Variants in RSPH1 observed in about 807,000 individuals in gnomAD.
RSPH1 encodes the protein radial spoke head 1 homolog.
RSPH1 carries 32 observed loss-of-function variants against 44.2 expected under a neutral mutation model. That is an observed-to-expected ratio of 0.72 (90% confidence interval 0.55 to 0.97). The LOEUF (loss-of-function observed/expected upper bound fraction) is 0.97, where lower values mean the gene tolerates loss of function less well. Ranked by LOEUF, RSPH1 falls within the 50% of genes least tolerant of loss-of-function variation. The pLI is 0.00. For missense variants in RSPH1, 391 were observed against 398.7 expected (o/e 0.98, Z 0.16); for synonymous variants, 134 against 147.3 (o/e 0.91, Z 0.65).
At chr21:42,478,647 CA>C (rs2054095679) in intron 6 of RSPH1, among the ~76,000 whole-genome samples, 1 of 152,140 alleles carries the variant, frequency 6.6e-6, no homozygotes. Context: ...GACAGTTCTT[CA>C]AAAAGCGAAA....
Position 42,477,396 on chromosome 21 carries a change from T to C in RSPH1, c.622A>G (p.Lys208Glu). The change falls in exon 7 of 9, where the codon AAA (lysine) becomes GAA (glutamate). Residue 208 changes from lysine to glutamate, a missense_variant. By Grantham distance (56) the Lys-to-Glu change is moderately conservative. Coordinates refer to ENST00000291536, the MANE Select transcript of RSPH1 (RefSeq NM_080860.4). ...EEEELVTVVP[K>E]WKATQITELA... Reference sequence around the variant, plus strand: ...TCAGTGATTTGGGTAGCTTTCCATTTTGGAACAACAGTTACTAATTCTTCC... The same window carrying C: ...TCAGTGATTTGGGTAGCTTTCCATTCTGGAACAACAGTTACTAATTCTTCC... The C allele has an allele frequency of 6.2e-7, 1 of 1,614,198 alleles. No homozygotes were observed. The highest frequency in any genetic ancestry group is 8.5e-7 in the Non-Finnish European group (1 of 1,180,006).
chr21:42,480,417 G>A (rs376097078), intron 6 of RSPH1, among the ~76,000 whole-genome samples: 2 of 152,186 alleles, frequency 1.3e-5, no homozygotes, highest in Admixed American at 1.3e-4. Flanking sequence ...TGAGGCAGTG[G>A]ATCATCTGAG....
chr21:42,495,566 T>C (rs1356521422), intron 1 of RSPH1, among the ~76,000 whole-genome samples: 1 of 152,134 alleles, frequency 6.6e-6, no homozygotes, highest in Non-Finnish European at 1.5e-5. Context: ...ACTCAGGAAA[T>C]AACTCCAAAG....
At chr21:42,475,567 C>CAA (rs549479473) in intron 8 of RSPH1, among the ~76,000 whole-genome samples, 25 of 112,140 alleles carry the variant, frequency 2.2e-4, no homozygotes, top group African/African-American at 7.3e-4. Flanking sequence ...GACTCCATCT[C>CAA]AAAAAAAAAA....
chr21:42,480,415 TG>T (rs1420134493), intron 6 of RSPH1, among the ~76,000 whole-genome samples: 4 of 152,090 alleles, frequency 2.6e-5, no homozygotes, highest in Admixed American at 2.6e-4. Context: ...GCTGAGGCAG[TG>T]GATCATCTGA....
intron 1 of RSPH1, 104 bp downstream of exon 1, chr21:42,496,029 G>C: frequency 1.5e-6 from 2 of 1,324,580 alleles, no homozygotes; most frequent in Non-Finnish European, 1.1e-6. Flanking sequence ...GGGAGCTGTG[G>C]CTCAGACCTC....
Position 42,475,884 on chromosome 21 carries a change from C to A in RSPH1, c.877+14G>T, listed in dbSNP as rs1057501981. On this transcript the variant is annotated intron_variant, in intron 8 of 8. Coordinates refer to ENST00000291536, the MANE Select transcript of RSPH1 (RefSeq NM_080860.4). ...TGCGGGCCCTCGCCCCACTTCCCTGCGCAGGGACCTCACCCTCATCCATGT... is the reference window on the plus strand; with the variant it reads ...TGCGGGCCCTCGCCCCACTTCCCTGAGCAGGGACCTCACCCTCATCCATGT... 1.2e-6 allele frequency: 2 copies of A among 1,609,062 alleles called. No homozygotes were observed. The highest frequency in any genetic ancestry group is 8.5e-7 in the Non-Finnish European group (1 of 1,179,006).
Position 42,476,775 on chromosome 21 carries a change from C to T in RSPH1, c.727+516G>A, listed in dbSNP as rs536500611. ...GTGGAGGCCACACCTCCGCCTCTGT[C>T]CAATCAACTCTGTTTCTTTCCTCTC... is the stretch of plus-strand genomic sequence containing the variant. On this transcript the variant is annotated intron_variant, in intron 7 of 8. Transcript: ENST00000291536. 2.0e-5 allele frequency among the ~76,000 whole-genome samples: 3 copies of T among 152,244 alleles called. No individual in the cohort carries two copies. The South Asian group carries it at 6.2e-4, about 32-fold the overall frequency.
chr21:42,484,735 T>G (rs2054161520), intron 5 of RSPH1: 1 of 152,226 alleles, frequency 6.6e-6, no homozygotes, highest in African/African-American at 2.4e-5. Context: ...AGATTCATTT[T>G]CATCAAATTC....
At chr21:42,478,728 G>T (rs557984311) in intron 6 of RSPH1, among the ~76,000 whole-genome samples, 4 of 152,144 alleles carry the variant, frequency 2.6e-5, no homozygotes, top group African/African-American at 9.7e-5. Flanking sequence ...ACAGAGATTC[G>T]ACCAGATGCT....
At chr21:42,479,756 C>CAG (rs1278878875) in intron 6 of RSPH1, among the ~76,000 whole-genome samples, 4 of 151,942 alleles carry the variant, frequency 2.6e-5, no homozygotes, top group East Asian at 1.9e-4. Context: ...CACACACACA[C>CAG]ACACATAAAT....
intron 6 of RSPH1, among the ~76,000 whole-genome samples, chr21:42,478,437 T>TGCTA (rs1432856015): frequency 1.3e-5 from 2 of 152,208 alleles, no homozygotes; most frequent in Non-Finnish European, 2.9e-5. Context: ...AAAGACAGAT[T>TGCTA]GCTAGCCCCA....
intron 4 of RSPH1, 114 bp downstream of exon 4, chr21:42,486,257 T>C (rs1311265045): frequency 1.1e-5 from 9 of 823,182 alleles, no homozygotes; most frequent in South Asian, 7.6e-5. Context: ...CCTGGCAGAG[T>C]TGGTAACTGG....
At chr21:42,483,771 A>G (rs766638415) in intron 5 of RSPH1, among the ~76,000 whole-genome samples, 1 of 151,704 alleles carries the variant, frequency 6.6e-6, no homozygotes, top group Non-Finnish European at 1.5e-5. Context: ...TTTTTTTTCT[A>G]TATTTCCTAG....
chr21:42,487,766 G>C lies in RSPH1; in HGVS notation c.275-1305C>G, dbSNP rs144714325. On this transcript the variant is annotated intron_variant, in intron 3 of 8. Transcript: ENST00000291536. ...CATGAAGATAAAGAATACCCAATAG[G>C]CTAAGAAAATGCTAATTATTCAAGT... is the stretch of plus-strand genomic sequence containing the variant. Among the ~76,000 whole-genome samples, 146 of 152,126 alleles carry C rather than the reference G, an allele frequency of 9.6e-4. No homozygotes were observed. The East Asian group carries it at 0.018, about 18-fold the overall frequency.
chr21:42,493,097 A>T lies in RSPH1; in HGVS notation c.55-18T>A, dbSNP rs758033477. On this transcript the variant is annotated intron_variant, in intron 1 of 8. Transcript: ENST00000291536. Reference sequence around the variant, plus strand: ...TCATATTCCTGGGTAATGAAAATTGACACAATTACAGCTACCATTCATTAA... The same window carrying T: ...TCATATTCCTGGGTAATGAAAATTGTCACAATTACAGCTACCATTCATTAA... The T allele has an allele frequency of 6.3e-7, 1 of 1,594,350 alleles. No homozygotes were observed. The highest frequency in any genetic ancestry group is 2.2e-5 in the East Asian group (1 of 44,776).
intron 6 of RSPH1, among the ~76,000 whole-genome samples, chr21:42,480,681 A>G (rs1025587448): frequency 1.9e-4 from 28 of 148,960 alleles, no homozygotes; most frequent in Admixed American, 5.3e-4. Context: ...TCTGGAGAGC[A>G]TTGAAGAGCA....
Position 42,485,545 on chromosome 21 carries a change from C to T in RSPH1, c.501+124G>A, listed in dbSNP as rs949099550. The stretch of plus-strand genomic sequence containing the variant: ...AATGGCACAGCTGTCCTGTTCTCCA[C>T]ATTTGAATAGGCCGGACTCAGTTTT... On this transcript the variant is annotated intron_variant, in intron 5 of 8. Coordinates refer to ENST00000291536, the MANE Select transcript of RSPH1 (RefSeq NM_080860.4). 5 of 1,108,464 alleles carry T rather than the reference C, an allele frequency of 4.5e-6. No homozygotes were observed. The African/African-American group carries it at 6.2e-5, about 14-fold the overall frequency. 68.7% of individuals were successfully genotyped at this position (1,108,464 alleles called of 1,614,324 possible).
intron 8 of RSPH1, 122 bp from the exon 9 acceptor site, chr21:42,472,992 C>A: frequency 1.5e-6 from 1 of 655,852 alleles, no homozygotes; most frequent in South Asian, 2.0e-5. Context: ...ATTCATCAGT[C>A]AAAAATTGAA....
Sources: gnomAD v4.1 joint callset for allele counts (sites outside exome capture counted in the v4.1 genomes callset) on GRCh38, gnomAD v4.1.1 for gene constraint, MANE v1.5 for transcripts, NCBI Gene and HGNC (gene_info 2026-07-23, HGNC 2026-07-21) for gene names.